The following CTSB variants were observed in gnomAD, a reference collection of about 807,000 sequenced individuals.
CTSB encodes the protein APP secretase.
Under a neutral mutation model 44.3 loss-of-function variants are expected in CTSB, and 57 were observed. The ratio of observed to expected loss-of-function variants is 1.29; its 90% CI spans 1.04 to 1.60. CTSB has a LOEUF of 1.60. Ranked by LOEUF, CTSB falls within the 40% of genes most tolerant of loss-of-function variation. The pLI is 0.00. For missense variants in CTSB, 768 were observed against 443.0 expected (o/e 1.73, Z -6.59); for synonymous variants, 320 against 168.0 (o/e 1.91, Z -7.00).
intron 9 of CTSB, 43 bp from the exon 10 acceptor site, chr8:11,845,265 C>T (rs373774389): frequency 8.3e-6 from 12 of 1,439,546 alleles, no homozygotes; most frequent in Middle Eastern, 1.7e-4. Context: ...TGACAAGGGT[C>T]AACCAATATA....
chr8:11,859,837 G>A (rs1169534868), intron 1 of CTSB, among the ~76,000 whole-genome samples: 1 of 150,360 alleles, frequency 6.7e-6, no homozygotes, highest in Non-Finnish European at 1.5e-5. Context: ...CACTTTGGGA[G>A]GCTGAGGCAG....
chr8:11,848,571 T>TA, intron 5 of CTSB: 1 of 339,494 alleles, frequency 2.9e-6, no homozygotes, highest in Middle Eastern at 8.1e-4. Context: ...TGCATTTTTT[T>TA]AAGCCCTCAG....
chr8:11,866,497 G>A (rs746597405), intron 1 of CTSB, among the ~76,000 whole-genome samples: 3 of 152,236 alleles, frequency 2.0e-5, no homozygotes, highest in Non-Finnish European at 1.5e-5. Flanking sequence ...GTTTGACTCT[G>A]TCTTTGGGAA....
Position 11,847,672 on chromosome 8 carries a change from C to T in CTSB, c.676+7G>A. ...CGTGCGCCGTGGCCAGGCCCCAGGC[C>T]CCTTACCGTAGTGCTTGTCCTGTTT... is the stretch of plus-strand genomic sequence containing the variant. On this transcript the variant is annotated splice_region_variant and intron_variant, in intron 7 of 9. Transcript: ENST00000353047. 1 of 1,533,954 alleles carries T rather than the reference C, an allele frequency of 6.5e-7. No homozygotes were observed. Among genetic ancestry groups the T allele is most frequent in the Non-Finnish European group, 8.7e-7 (1 of 1,143,804 alleles).
intron 4 of CTSB, among the ~76,000 whole-genome samples, chr8:11,850,427 AAAAAAAAAAAAAAAG>A (rs1350858578): frequency 4.1e-5 from 6 of 145,516 alleles, no homozygotes; most frequent in African/African-American, 5.0e-5. Flanking sequence ...TCCAAAAAAA[AAAAAAAAAAAAAAAG>A]AAAGAAAAAG....
intron 1 of CTSB, 73 bp from the exon 2 acceptor site, chr8:11,853,552 T>C: frequency 6.9e-7 from 1 of 1,442,270 alleles, no homozygotes; most frequent in Non-Finnish European, 9.3e-7. Flanking sequence ...AGGGGCACCG[T>C]CTCGGGCATC....
chr8:11,863,724 A>T (rs1816735425), intron 1 of CTSB, among the ~76,000 whole-genome samples: 1 of 152,222 alleles, frequency 6.6e-6, no homozygotes, highest in Non-Finnish European at 1.5e-5. Context: ...ATGAAATTAA[A>T]ACAGGGGTAC....
intron 1 of CTSB, among the ~76,000 whole-genome samples, chr8:11,865,735 C>T (rs934855941): frequency 2.0e-5 from 3 of 151,302 alleles, no homozygotes; most frequent in African/African-American, 2.4e-5. Context: ...CCCTCCACCG[C>T]GCGGTGGCTC....
At chr8:11,860,849 G>A (rs1278882054) in intron 1 of CTSB, among the ~76,000 whole-genome samples, 1 of 152,170 alleles carries the variant, frequency 6.6e-6, no homozygotes, top group Non-Finnish European at 1.5e-5. Context: ...AACGGCAGTT[G>A]CTCCTGAAGT....
chr8:11,866,254 TCA>T (rs1424426910), intron 1 of CTSB, among the ~76,000 whole-genome samples: 1 of 152,142 alleles, frequency 6.6e-6, no homozygotes, highest in Non-Finnish European at 1.5e-5. Context: ...GTCTGCTAAA[TCA>T]GCACCACATG....
At chr8:11,847,553 C>G (rs1234681734) in intron 7 of CTSB, 126 bp downstream of exon 7, 1 of 1,061,428 alleles carries the variant, frequency 9.4e-7, no homozygotes. Context: ...ATCACTCCCC[C>G]TCCTCTATCC....
intron 1 of CTSB, among the ~76,000 whole-genome samples, chr8:11,854,125 G>C (rs1563412288): frequency 6.6e-6 from 1 of 152,340 alleles, no homozygotes; most frequent in East Asian, 1.9e-4. Flanking sequence ...TGGCTCATGA[G>C]TCACAAGCCA....
intron 4 of CTSB, 168 bp from the exon 5 acceptor site, chr8:11,849,332 A>T: frequency 1.9e-6 from 1 of 513,742 alleles, no homozygotes; most frequent in Non-Finnish European, 3.6e-6. Context: ...CTTTGGTAGA[A>T]ATGGGGTCTT....
chr8:11,863,408 G>A (rs535799279), intron 1 of CTSB, among the ~76,000 whole-genome samples: 23 of 151,576 alleles, frequency 1.5e-4, no homozygotes, highest in Non-Finnish European at 2.8e-4. Context: ...ACAGTGAGCC[G>A]AGATTACACC....
rs149786664 is a variant in CTSB, at chr8:11,845,148, C to A, written c.997G>T (p.Asp333Tyr). ...SEVVAGIPRTDQYWEKI is the reference protein window; with the variant it reads ...SEVVAGIPRTYQYWEKI ...GATTAGATCTTTTCCCAGTACTGATCGGTGCGTGGAATTCCAGCCACCACT... is the reference window on the plus strand; with the variant it reads ...GATTAGATCTTTTCCCAGTACTGATAGGTGCGTGGAATTCCAGCCACCACT... Residue 333 changes from aspartate to tyrosine, a missense_variant, in exon 10 of 10, where the codon GAT becomes TAT. Coordinates refer to ENST00000353047, the MANE Select transcript of CTSB (RefSeq NM_001908.5). 59 of 1,613,386 alleles carry A rather than the reference C, an allele frequency of 3.7e-5. No individual in the cohort carries two copies. The highest frequency in any genetic ancestry group is 1.6e-4 in the Middle Eastern group (1 of 6,082).
At chr8:11,845,276 G>C (rs878943118) in intron 9 of CTSB, 54 bp from the exon 10 acceptor site, 1 of 1,351,092 alleles carries the variant, frequency 7.4e-7, no homozygotes, top group South Asian at 1.2e-5. Context: ...AACCAATATA[G>C]TCAGACTCAT....
intron 1 of CTSB, among the ~76,000 whole-genome samples, chr8:11,857,416 C>G (rs189446468): frequency 3.3e-5 from 5 of 152,316 alleles, no homozygotes; most frequent in Admixed American, 3.3e-4. Context: ...AGCCTCCACA[C>G]TGTGAGGTTA....
At chr8:11,848,604 A>G (rs1057469087) in intron 5 of CTSB, 2 of 328,830 alleles carry the variant, frequency 6.1e-6, no homozygotes, top group African/African-American at 4.3e-5. Flanking sequence ...TGCAGCCGCC[A>G]GTGAACACCG....
In CTSB at chr8:11,847,816, C is replaced by A. The variant is rs1813706679; in HGVS notation, c.539G>T (p.Arg180Ile). 1.3e-6 allele frequency: 2 copies of A among 1,592,666 alleles called. No homozygotes were observed. The highest frequency in any genetic ancestry group is 1.4e-5 in the African/African-American group (1 of 73,466). The change falls in exon 7 of 10, where the codon AGA becomes ATA. Residue 180 changes from arginine to isoleucine, a missense_variant. By Grantham distance (97) the Arg-to-Ile change is moderately conservative (BLOSUM62 -3). Transcript: ENST00000353047. ...CTCACAGGGAGGGATGGAGTACGGT[C>A]TGCACCCTGATGGGACGCGGGAGAA... ...GGLYESHVGC[R>I]PYSIPPCEHH...
Sources: allele counts gnomAD v4.1 joint callset (sites outside exome capture counted in the v4.1 genomes callset), GRCh38; gene constraint gnomAD v4.1.1; transcripts MANE v1.5; gene names NCBI Gene and HGNC (gene_info 2026-07-23, HGNC 2026-07-21).